DPP10: variants seen among roughly 807,000 people sequenced by gnomAD.
DPP10 encodes inactive dipeptidyl peptidase 10.
In DPP10, 33 loss-of-function variants were observed where a neutral mutation model predicts 120.9. The ratio of observed to expected loss-of-function variants is 0.27; its 90% CI spans 0.21 to 0.37. DPP10 has a LOEUF of 0.37. Among genes scored for constraint, DPP10 ranks in the 10% least tolerant of loss-of-function variants. The pLI, the probability that DPP10 is intolerant of heterozygous loss-of-function variation, is 1.00. For missense variants in DPP10, 816 were observed against 942.8 expected, an observed-to-expected ratio of 0.87 and a Z score of 1.76; for synonymous variants, 337 against 326.1, an observed-to-expected ratio of 1.03 and a Z score of -0.36.
At chr2:115,053,028 G>A (rs959606802) in intron 1 of DPP10, among the ~76,000 whole-genome samples, 1 of 151,694 alleles carries the variant, frequency 6.6e-6, no homozygotes, top group Non-Finnish European at 1.5e-5. Context: ...CATCATTATT[G>A]GGAGTATAAA....
chr2:114,550,760 G>T (rs1411355117), intron 1 of DPP10, among the ~76,000 whole-genome samples: 1 of 151,522 alleles, frequency 6.6e-6, no homozygotes, highest in African/African-American at 2.4e-5. Flanking sequence ...TGATTAATTT[G>T]TCTGTGTTTC....
chr2:114,827,088 G>A (rs938816768), intron 1 of DPP10, among the ~76,000 whole-genome samples: 4 of 152,016 alleles, frequency 2.6e-5, no homozygotes, highest in East Asian at 3.9e-4. Flanking sequence ...AGGAGGGGGC[G>A]ATTTCTCATT....
intron 12 of DPP10, among the ~76,000 whole-genome samples, chr2:115,764,695 C>A (rs1454822328): frequency 2.6e-5 from 4 of 151,942 alleles, no homozygotes; most frequent in Admixed American, 2.0e-4. Flanking sequence ...TTTTAAAAAA[C>A]AAAGCATCCA....
At chr2:114,613,953 C>T (rs1573793847) in intron 1 of DPP10, among the ~76,000 whole-genome samples, 1 of 152,026 alleles carries the variant, frequency 6.6e-6, no homozygotes, top group African/African-American at 2.4e-5. Flanking sequence ...GAACATCATA[C>T]ACCAGGGCCT....
At chr2:114,723,920 A>G (rs568456782) in intron 1 of DPP10, among the ~76,000 whole-genome samples, 1 of 152,338 alleles carries the variant, frequency 6.6e-6, no homozygotes, top group Admixed American at 6.5e-5. Flanking sequence ...TTCAGCCCAT[A>G]GGTAAATCTC....
chr2:115,099,844 T>C (rs1024896023), intron 1 of DPP10, among the ~76,000 whole-genome samples: 1 of 152,188 alleles, frequency 6.6e-6, no homozygotes, highest in African/African-American at 2.4e-5. Context: ...TTGTAGGGTG[T>C]GACAGAGCCA....
intron 3 of DPP10, among the ~76,000 whole-genome samples, chr2:115,371,415 A>G (rs1574592193): frequency 6.6e-6 from 1 of 152,312 alleles, no homozygotes; most frequent in East Asian, 1.9e-4. Flanking sequence ...TTTTCAATAA[A>G]ATACGTGAAC....
intron 1 of DPP10, among the ~76,000 whole-genome samples, chr2:114,923,473 T>C (rs1276921066): frequency 3.2e-5 from 1 of 31,706 alleles, no homozygotes; most frequent in East Asian, 7.1e-4. Context: ...CCTTTTTTCC[T>C]TTTTTTTTTT....
chr2:114,632,119 CTCTG>C (rs1694969103), intron 1 of DPP10, among the ~76,000 whole-genome samples: 1 of 151,920 alleles, frequency 6.6e-6, no homozygotes, highest in Admixed American at 6.6e-5. Context: ...AATATTTTTT[CTCTG>C]TCTTTTTTGC....
Position 115,149,648 on chromosome 2 carries a change from A to G in DPP10, c.61-159591A>G, listed in dbSNP as rs918979735. 3.9e-5 allele frequency among the ~76,000 whole-genome samples: 6 copies of G among 152,070 alleles called. No individual in the cohort carries two copies. The East Asian group carries it at 7.7e-4, about 20-fold the overall frequency. On this transcript the variant is annotated intron_variant, in intron 1 of 25. Transcript: ENST00000410059. ...ATTTATCTGGTGTGCTCCTTTTCTT[A>G]TATCTGTATTCAGCACTTTTCTAAG...
At chr2:115,108,533 T>C (rs923618361) in intron 1 of DPP10, among the ~76,000 whole-genome samples, 15 of 152,200 alleles carry the variant, frequency 9.9e-5, no homozygotes, top group African/African-American at 2.7e-4. Flanking sequence ...TATTAAACAA[T>C]GTACAAATCA....
chr2:115,059,120 G>A (rs1317022087), intron 1 of DPP10, among the ~76,000 whole-genome samples: 1 of 151,704 alleles, frequency 6.6e-6, no homozygotes, highest in East Asian at 1.9e-4. Context: ...GAGGGAGGAA[G>A]GAGAAAGAAA....
chr2:114,604,893 G>C (rs532308119), intron 1 of DPP10, among the ~76,000 whole-genome samples: 1 of 152,068 alleles, frequency 6.6e-6, no homozygotes, highest in East Asian at 1.9e-4. Flanking sequence ...ACTATGATTG[G>C]GTAGTTGAGG....
intron 1 of DPP10, among the ~76,000 whole-genome samples, chr2:114,609,455 G>C (rs1281346353): frequency 1.3e-5 from 2 of 152,044 alleles, no homozygotes; most frequent in East Asian, 1.9e-4. Flanking sequence ...GCAGGGGGTG[G>C]GGTGGTCCCA....
At chr2:115,713,933 TC>T (rs946343748) in intron 7 of DPP10, among the ~76,000 whole-genome samples, 4 of 152,138 alleles carry the variant, frequency 2.6e-5, no homozygotes, top group Non-Finnish European at 5.9e-5. Flanking sequence ...GCCCCAGAAG[TC>T]CACTGCTCAT....
At chr2:115,608,589 C>T (rs867430280) in intron 5 of DPP10, among the ~76,000 whole-genome samples, 2 of 152,104 alleles carry the variant, frequency 1.3e-5, no homozygotes, top group Non-Finnish European at 2.9e-5. Context: ...TTGTTCTGGT[C>T]ACTCTACAGC....
intron 21 of DPP10, among the ~76,000 whole-genome samples, chr2:115,830,928 G>A (rs1042782834): frequency 5.7e-4 from 87 of 151,942 alleles, no homozygotes; most frequent in African/African-American, 2.1e-3. Context: ...ATTGAGGGAG[G>A]GCCTCTCAGT....
At chr2:115,277,447 C>CTTTTTTTTT (rs70941038) in intron 1 of DPP10, among the ~76,000 whole-genome samples, 3 of 49,778 alleles carry the variant, frequency 6.0e-5, no homozygotes, top group South Asian at 2.9e-3. Context: ...CTGCCAGGGC[C>CTTTTTTTTT]TTTTTTTTTT....
chr2:114,654,174 A>C (rs185850292), intron 1 of DPP10, among the ~76,000 whole-genome samples: 28 of 152,252 alleles, frequency 1.8e-4, no homozygotes. Context: ...TTCTGTACAT[A>C]CGAGTAAACT....
Sources: gnomAD v4.1 joint callset for allele counts (sites outside exome capture counted in the v4.1 genomes callset) on GRCh38, gnomAD v4.1.1 for gene constraint, MANE v1.5 for transcripts, NCBI Gene and HGNC (gene_info 2026-07-23, HGNC 2026-07-21) for gene names.